CFAP299: variants seen among roughly 807,000 people sequenced by gnomAD.
CFAP299 encodes the protein cilia- and flagella-associated protein 299.
A neutral mutation model predicts 27.0 loss-of-function variants in CFAP299; 21 were observed. That is an observed-to-expected ratio of 0.78 (90% CI 0.55 to 1.12). The LOEUF is 1.12. Among genes scored for constraint, CFAP299 ranks in the 50% most tolerant of loss-of-function variants. The pLI is 0.00. For missense variants in CFAP299, 310 were observed against 276.6 expected, an observed-to-expected ratio of 1.12 and a Z score of -0.86; for synonymous variants, 104 against 98.1, an observed-to-expected ratio of 1.06 and a Z score of -0.36.
chr4:80,370,782 CAT>C (rs1724106694), intron 2 of CFAP299, among the ~76,000 whole-genome samples: 1 of 152,252 alleles, frequency 6.6e-6, no homozygotes. Flanking sequence ...CAGCTGCTCT[CAT>C]GTGCTGGCGT....
At chr4:80,635,905 C>T (rs1376845209) in intron 3 of CFAP299, among the ~76,000 whole-genome samples, 1 of 152,064 alleles carries the variant, frequency 6.6e-6, no homozygotes, top group Non-Finnish European at 1.5e-5. Flanking sequence ...TTTTGTTAAA[C>T]ATGGCCCACT....
At chr4:80,694,194 G>A (rs535633901) in intron 3 of CFAP299, among the ~76,000 whole-genome samples, 1 of 152,262 alleles carries the variant, frequency 6.6e-6, no homozygotes, top group Non-Finnish European at 1.5e-5. Context: ...AACACATGAA[G>A]CTTTGTATTT....
chr4:80,541,120 A>G (rs979849056), intron 2 of CFAP299, among the ~76,000 whole-genome samples: 3 of 137,970 alleles, frequency 2.2e-5, no homozygotes, highest in African/African-American at 9.6e-5. Flanking sequence ...TGGAGATACT[A>G]TTTTATGTGA....
chr4:80,962,014 A>G (rs957829194), intron 5 of CFAP299, among the ~76,000 whole-genome samples: 1 of 151,974 alleles, frequency 6.6e-6, no homozygotes, highest in Non-Finnish European at 1.5e-5. Flanking sequence ...AGGAAAATAC[A>G]GAAAGAAACG....
Position 80,572,507 on chromosome 4 carries a change from G to GTTTTTT in CFAP299, c.243-10563_243-10558dup, listed in dbSNP as rs550414533. Among the ~76,000 whole-genome samples the GTTTTTT allele has an allele frequency of 4.7e-3, 172 of 36,390 alleles. 43 individuals carry two copies. Among genetic ancestry groups the GTTTTTT allele is most frequent in the East Asian group, 0.014 (15 of 1,042 alleles). 23.9% of individuals were successfully genotyped at this position (36,390 alleles called of 152,430 possible). A position where few individuals can be genotyped will look rare whatever the true frequency, so the allele number is the denominator to read the frequency against. Reference sequence around the variant, plus strand: ...TGTTGTTGCACATGACTGGATCCCAGTTTTTTTTTTTTTTTTTTTTTTTTT... The same window carrying GTTTTTT: ...TGTTGTTGCACATGACTGGATCCCAGTTTTTTTTTTTTTTTTTTTTTTTTTTTTTTT... On this transcript the variant is annotated intron_variant, in intron 2 of 5. Coordinates refer to ENST00000358105, the MANE Select transcript of CFAP299 (RefSeq NM_152770.3).
At chr4:80,694,643 G>A (rs571427551) in intron 3 of CFAP299, among the ~76,000 whole-genome samples, 28 of 152,052 alleles carry the variant, frequency 1.8e-4, no homozygotes, top group Non-Finnish European at 3.1e-4. Context: ...ATTCTAACTT[G>A]GTAATAGCTC....
rs143402020 is a variant in CFAP299 at position 80,873,575 on chromosome 4, G to T, written c.476+3440G>T. On this transcript the variant is annotated intron_variant, in intron 4 of 5. Coordinates refer to ENST00000358105, the MANE Select transcript of CFAP299 (RefSeq NM_152770.3). ...ATGACAAGCATTATTCTTACCATCA[G>T]AGAGAGGAAAAGATAAAGAGTAAAC... Among the ~76,000 whole-genome samples, 116 of 152,290 alleles carry T rather than the reference G, an allele frequency of 7.6e-4. 1 individual carries two copies. The highest frequency in any genetic ancestry group is 5.0e-4 in the Non-Finnish European group (34 of 68,004).
At chr4:80,386,022 G>A (rs1254938703) in intron 2 of CFAP299, among the ~76,000 whole-genome samples, 1 of 152,214 alleles carries the variant, frequency 6.6e-6, no homozygotes, top group Non-Finnish European at 1.5e-5. Flanking sequence ...ACCGGAAGGC[G>A]GCCATGAGCC....
At chr4:80,675,640 C>T (rs1719391446) in intron 3 of CFAP299, among the ~76,000 whole-genome samples, 1 of 152,182 alleles carries the variant, frequency 6.6e-6, no homozygotes, top group Admixed American at 6.5e-5. Flanking sequence ...GCCCTGCCCC[C>T]AGAGGTGGGG....
At chr4:80,488,290 A>T (rs1306328690) in intron 2 of CFAP299, among the ~76,000 whole-genome samples, 1 of 152,206 alleles carries the variant, frequency 6.6e-6, no homozygotes, top group African/African-American at 2.4e-5. Flanking sequence ...ATACACAAAG[A>T]TTCCAATTAA....
chr4:80,950,081 A>G (rs1399028861), intron 5 of CFAP299, among the ~76,000 whole-genome samples: 2 of 152,168 alleles, frequency 1.3e-5, no homozygotes, highest in East Asian at 3.8e-4. Context: ...TATATTATGT[A>G]TATCTATCTA....
intron 3 of CFAP299, among the ~76,000 whole-genome samples, chr4:80,626,494 C>T (rs1738912870): frequency 6.6e-6 from 1 of 151,484 alleles, no homozygotes; most frequent in African/African-American, 2.4e-5. Context: ...CAGGAATAAA[C>T]TAAGCCCAAA....
intron 2 of CFAP299, among the ~76,000 whole-genome samples, chr4:80,480,324 C>G (rs1730496892): frequency 6.6e-6 from 1 of 151,650 alleles, no homozygotes; most frequent in Admixed American, 6.6e-5. Flanking sequence ...CAGGTAACTC[C>G]AAACCAGAAG....
At chr4:80,753,810 G>GT (rs1318487171) in intron 3 of CFAP299, among the ~76,000 whole-genome samples, 1 of 151,912 alleles carries the variant, frequency 6.6e-6, no homozygotes, top group Non-Finnish European at 1.5e-5. Flanking sequence ...CCTTTTCCAT[G>GT]TTTGTTTGTT....
intron 3 of CFAP299, among the ~76,000 whole-genome samples, chr4:80,841,595 T>C (rs1479322045): frequency 6.6e-6 from 1 of 152,036 alleles, no homozygotes; most frequent in Non-Finnish European, 1.5e-5. Context: ...TCAAAGGTGG[T>C]ATTAAGATTA....
At chr4:80,706,393 T>G (rs568475104) in intron 3 of CFAP299, among the ~76,000 whole-genome samples, 1 of 151,872 alleles carries the variant, frequency 6.6e-6, no homozygotes, top group African/African-American at 2.4e-5. Flanking sequence ...TAGAATAAAC[T>G]TCAAAGTTTC....
At chr4:80,684,052 C>T (rs1331824422) in intron 3 of CFAP299, among the ~76,000 whole-genome samples, 2 of 152,128 alleles carry the variant, frequency 1.3e-5, no homozygotes, top group Non-Finnish European at 2.9e-5. Context: ...GTTCTGTTGA[C>T]TCCAGTATAG....
intron 3 of CFAP299, among the ~76,000 whole-genome samples, chr4:80,716,429 AAGAC>A (rs1722485313): frequency 6.6e-6 from 1 of 151,152 alleles, no homozygotes; most frequent in Middle Eastern, 3.5e-3. Flanking sequence ...TATATTCTAT[AAGAC>A]AGATCAATTT....
At chr4:80,905,009 T>C (rs1414667484) in intron 4 of CFAP299, among the ~76,000 whole-genome samples, 2 of 152,236 alleles carry the variant, frequency 1.3e-5, no homozygotes, top group Non-Finnish European at 2.9e-5. Context: ...AGCCTTATGA[T>C]ACTTAAAAGT....
Sources: allele counts gnomAD v4.1 joint callset (sites outside exome capture counted in the v4.1 genomes callset), GRCh38; gene constraint gnomAD v4.1.1; transcripts MANE v1.5; gene names NCBI Gene and HGNC (gene_info 2026-07-23, HGNC 2026-07-21).